Variants in MYO3B observed in about 807,000 individuals in gnomAD.
MYO3B encodes the protein myosin IIIB.
MYO3B carries 156 observed loss-of-function variants against 174.6 expected under a neutral mutation model. The ratio of observed to expected loss-of-function variants is 0.89; its 90% CI spans 0.78 to 1.02. MYO3B has a LOEUF of 1.02. MYO3B is among the 50% of genes least tolerant of loss of function. The pLI is 0.00. For missense variants in MYO3B, 1,632 were observed against 1,639.4 expected (o/e 1.00, Z 0.08); for synonymous variants, 563 against 569.1 (o/e 0.99, Z 0.15).
intron 25 of MYO3B, among the ~76,000 whole-genome samples, chr2:170,468,885 G>A (rs1195848771): frequency 1.3e-5 from 2 of 152,158 alleles, no homozygotes; most frequent in Non-Finnish European, 2.9e-5. Context: ...GTCAGGCTGG[G>A]CGTGATGGCT....
intron 23 of MYO3B, among the ~76,000 whole-genome samples, chr2:170,451,719 A>G (rs1476159258): frequency 6.6e-6 from 1 of 152,226 alleles, no homozygotes; most frequent in Non-Finnish European, 1.5e-5. Context: ...AAGAAGATCC[A>G]GTAGTTGTCA....
intron 25 of MYO3B, among the ~76,000 whole-genome samples, chr2:170,490,069 C>G (rs1686361214): frequency 6.9e-6 from 1 of 145,284 alleles, no homozygotes; most frequent in African/African-American, 2.7e-5. Flanking sequence ...TGCACTGTTG[C>G]CCAGGCTGGA....
At chr2:170,459,260 G>A (rs959412703) in intron 23 of MYO3B, among the ~76,000 whole-genome samples, 1 of 152,144 alleles carries the variant, frequency 6.6e-6, no homozygotes, top group Non-Finnish European at 1.5e-5. Flanking sequence ...CACATCCTGC[G>A]GATTGGTCCA....
rs1395502926 is a variant in MYO3B at position 170,501,809 on chromosome 2, G to A, written c.3314G>A (p.Arg1105Lys). Residue 1105 changes from arginine (R) to lysine (K), a missense_variant, in exon 28 of 35, where the codon AGG (arginine) becomes AAG (lysine). Coordinates refer to ENST00000408978, the MANE Select transcript of MYO3B (RefSeq NM_138995.5). ...GCCTGGAGAGGATATGATGCTCGGA[G>A]GAAATTTAAGAAAATAAGCAACAGA... The part of the protein sequence containing the change: ...QSAWRGYDAR[R>K]KFKKISNRRN... 3.7e-6 allele frequency: 6 copies of A among 1,612,570 alleles called. No homozygotes were observed. In the South Asian group the frequency reaches 5.5e-5, roughly 15 times the overall value.
chr2:170,467,747 G>A (rs559741996), intron 25 of MYO3B, among the ~76,000 whole-genome samples: 2 of 147,082 alleles, frequency 1.4e-5, no homozygotes, highest in East Asian at 4.0e-4. Flanking sequence ...GAGAGGATGA[G>A]TCATAAATAT....
chr2:170,408,934 T>C (rs553709298), intron 22 of MYO3B, among the ~76,000 whole-genome samples: 2 of 152,244 alleles, frequency 1.3e-5, no homozygotes, highest in South Asian at 4.1e-4. Flanking sequence ...CGGGGTTTAA[T>C]TCAATATGGA....
chr2:170,250,854 T>A (rs903151035), intron 7 of MYO3B, among the ~76,000 whole-genome samples: 2 of 152,000 alleles, frequency 1.3e-5, no homozygotes, highest in Non-Finnish European at 2.9e-5. Flanking sequence ...ACTCTCCCAC[T>A]GTCCCGAGCC....
intron 7 of MYO3B, among the ~76,000 whole-genome samples, chr2:170,258,150 G>C (rs1386277701): frequency 6.6e-6 from 1 of 152,098 alleles, no homozygotes; most frequent in Non-Finnish European, 1.5e-5. Flanking sequence ...GACAGACAAA[G>C]AGCTGGTACC....
intron 25 of MYO3B, among the ~76,000 whole-genome samples, chr2:170,482,455 C>G (rs1685758042): frequency 6.6e-6 from 1 of 152,166 alleles, no homozygotes; most frequent in Non-Finnish European, 1.5e-5. Flanking sequence ...GTGCCCGGCC[C>G]AAGCTCTCTC....
chr2:170,569,134 A>T (rs574906260), intron 32 of MYO3B, among the ~76,000 whole-genome samples: 11 of 152,198 alleles, frequency 7.2e-5, no homozygotes, highest in Non-Finnish European at 1.3e-4. Context: ...TTTATTAACC[A>T]TCATGACTAC....
At chr2:170,350,298 A>T (rs2094055105) in intron 8 of MYO3B, 1 of 152,132 alleles carries the variant, frequency 6.6e-6, no homozygotes, top group Non-Finnish European at 1.5e-5. Context: ...ACATGATAGG[A>T]TTGTTAAATT....
chr2:170,520,644 T>G (rs567419685), intron 30 of MYO3B, among the ~76,000 whole-genome samples: 24 of 151,822 alleles, frequency 1.6e-4, no homozygotes, highest in African/African-American at 5.6e-4. Flanking sequence ...TAGCCACAGG[T>G]TTGAGTTAAA....
intron 23 of MYO3B, among the ~76,000 whole-genome samples, 157 bp from the exon 24 acceptor site, chr2:170,463,211 A>G (rs1559025707): frequency 6.6e-6 from 1 of 152,190 alleles, no homozygotes; most frequent in Non-Finnish European, 1.5e-5. Context: ...TTTCGTTTCT[A>G]TGTTTTGAAA....
intron 21 of MYO3B, among the ~76,000 whole-genome samples, chr2:170,406,724 A>G (rs985410395): frequency 2.0e-5 from 3 of 152,000 alleles, no homozygotes; most frequent in African/African-American, 4.8e-5. Flanking sequence ...TAGGGGAAAA[A>G]CTTTTTTTAT....
rs537905229 is a variant in MYO3B at position 170,200,503 on chromosome 2, T to C, written c.321+219T>C. Among the ~76,000 whole-genome samples the C allele has an allele frequency of 3.9e-5, 6 of 152,354 alleles. 1 individual carries two copies. In the South Asian group the frequency reaches 1.2e-3, roughly 32 times the overall value. On this transcript the variant is annotated intron_variant, in intron 3 of 34. Coordinates refer to ENST00000408978, the MANE Select transcript of MYO3B (RefSeq NM_138995.5). ...TTTCTCTGCTTCAGAGGTTTAATAA[T>C]CTTTTATTCTAGTACAGGGTGAATA... is the stretch of plus-strand genomic sequence containing the variant.
chr2:170,586,074 AGAAGGTTTTATTGTCCTCAGTTAG>A (rs1480209304), intron 32 of MYO3B, among the ~76,000 whole-genome samples: 1 of 152,220 alleles, frequency 6.6e-6, no homozygotes. Context: ...GTTCAGGGAA[AGAAGGTTTTATTGTCCTCAGTTAG>A]GAAGCAGCAC....
chr2:170,357,435 T>C (rs971816485), intron 8 of MYO3B, among the ~76,000 whole-genome samples: 6 of 150,318 alleles, frequency 4.0e-5, no homozygotes, highest in Non-Finnish European at 5.9e-5. Context: ...ATCTTTCACA[T>C]TGTCTGACAG....
intron 7 of MYO3B, among the ~76,000 whole-genome samples, chr2:170,258,572 G>A (rs923426555): frequency 2.0e-5 from 3 of 152,016 alleles, no homozygotes; most frequent in Non-Finnish European, 1.5e-5. Context: ...AAAATAATGA[G>A]TCATCTATGA....
intron 7 of MYO3B, among the ~76,000 whole-genome samples, chr2:170,268,845 G>C (rs560678145): frequency 1.3e-5 from 2 of 152,130 alleles, no homozygotes; most frequent in South Asian, 2.1e-4. Context: ...ACAAAGGATA[G>C]AAATTAGCAT....
Sources: allele counts gnomAD v4.1 joint callset (sites outside exome capture counted in the v4.1 genomes callset), GRCh38; gene constraint gnomAD v4.1.1; transcripts MANE v1.5; gene names NCBI Gene and HGNC (gene_info 2026-07-23, HGNC 2026-07-21).